The following NECAB1 variants were observed in gnomAD, a reference collection of about 807,000 sequenced individuals.
NECAB1 encodes the protein N-terminal EF-hand calcium-binding protein 1.
Under a neutral mutation model 57.5 loss-of-function variants are expected in NECAB1, and 29 were observed. The observed-to-expected ratio is 0.50, with a 90% CI of 0.38 to 0.69. NECAB1 has a LOEUF of 0.69. Among genes scored for constraint, NECAB1 ranks in the 30% least tolerant of loss-of-function variants. The probability of loss-of-function intolerance (pLI) is 0.00; values close to 1 mark genes in which losing one functional copy is unlikely to be tolerated. For missense variants in NECAB1, 372 were observed against 413.8 expected, an observed-to-expected ratio of 0.90 and a Z score of 0.88; for synonymous variants, 142 against 147.7, an observed-to-expected ratio of 0.96 and a Z score of 0.28.
intron 3 of NECAB1, among the ~76,000 whole-genome samples, chr8:90,866,780 T>C (rs373338806): frequency 3.3e-5 from 5 of 152,190 alleles, no homozygotes; most frequent in African/African-American, 1.2e-4. Flanking sequence ...TTTGGAGAAA[T>C]AGGAACACTT....
intron 3 of NECAB1, among the ~76,000 whole-genome samples, chr8:90,844,742 C>A (rs888877938): frequency 6.6e-6 from 1 of 152,036 alleles, no homozygotes; most frequent in African/African-American, 2.4e-5. Context: ...GAATCTTTAT[C>A]CAGTTGGGAG....
At chr8:90,925,222 T>C (rs1810231232) in intron 6 of NECAB1, among the ~76,000 whole-genome samples, 1 of 152,048 alleles carries the variant, frequency 6.6e-6, no homozygotes, top group African/African-American at 2.4e-5. Context: ...TGTTTTCAAA[T>C]TAAACAAAAT....
chr8:90,799,469 T>A (rs1811725051), intron 1 of NECAB1, among the ~76,000 whole-genome samples: 1 of 152,220 alleles, frequency 6.6e-6, no homozygotes, highest in Non-Finnish European at 1.5e-5. Context: ...TAATCCATCT[T>A]GAGTTAATTT....
chr8:90,830,713 A>G (rs1260080651), intron 3 of NECAB1, among the ~76,000 whole-genome samples: 1 of 152,158 alleles, frequency 6.6e-6, no homozygotes, highest in Non-Finnish European at 1.5e-5. Context: ...CTTTCTTGGC[A>G]TAAGCAGATA....
intron 5 of NECAB1, among the ~76,000 whole-genome samples, chr8:90,898,836 C>A (rs1232084126): frequency 6.6e-6 from 1 of 152,208 alleles, no homozygotes; most frequent in Non-Finnish European, 1.5e-5. Flanking sequence ...GCTCTCTCTT[C>A]ACCTTCCTAA....
At chr8:90,941,415 T>C (rs1451098458) in intron 10 of NECAB1, among the ~76,000 whole-genome samples, 2 of 152,230 alleles carry the variant, frequency 1.3e-5, no homozygotes, top group African/African-American at 4.8e-5. Context: ...GATCTTTTCT[T>C]TCCTCTTTCC....
intron 4 of NECAB1, among the ~76,000 whole-genome samples, chr8:90,874,659 TA>T (rs1200577941): frequency 3.9e-5 from 6 of 152,248 alleles, no homozygotes; most frequent in African/African-American, 1.4e-4. Flanking sequence ...TCATTTTATT[TA>T]AAGGCTGCAT....
chr8:90,949,713 A>T, intron 10 of NECAB1, 94 bp from the exon 11 acceptor site: 1 of 566,418 alleles, frequency 1.8e-6, no homozygotes, highest in African/African-American at 1.9e-5. Context: ...CTATTAATGG[A>T]TAAGATTGTT....
intron 3 of NECAB1, among the ~76,000 whole-genome samples, chr8:90,861,068 C>G (rs1467558469): frequency 3.3e-5 from 5 of 152,152 alleles, no homozygotes; most frequent in African/African-American, 1.2e-4. Context: ...TTGCAGATTG[C>G]TTTATTTTCT....
chr8:90,822,086 AC>A (rs995846993), intron 2 of NECAB1, among the ~76,000 whole-genome samples: 3 of 151,792 alleles, frequency 2.0e-5, no homozygotes, highest in Non-Finnish European at 4.4e-5. Context: ...AAAAACCTGT[AC>A]CCTTTGGTGG....
At chr8:90,919,343 G>A (rs147627269) in intron 6 of NECAB1, among the ~76,000 whole-genome samples, 19 of 152,266 alleles carry the variant, frequency 1.2e-4, no homozygotes, top group African/African-American at 3.4e-4. Flanking sequence ...TAAGTTTTCT[G>A]AACAGGCTGA....
chr8:90,844,492 G>A (rs1414820621), intron 3 of NECAB1, among the ~76,000 whole-genome samples: 1 of 152,118 alleles, frequency 6.6e-6, no homozygotes, highest in East Asian at 1.9e-4. Context: ...TCCCCACCAG[G>A]CTGATGGAAG....
intron 1 of NECAB1, among the ~76,000 whole-genome samples, chr8:90,799,408 C>T (rs757106792): frequency 6.5e-4 from 99 of 152,018 alleles, no homozygotes; most frequent in Non-Finnish European, 1.0e-3. Context: ...ATGATATTTT[C>T]TAGGTTTTCT....
intron 5 of NECAB1, among the ~76,000 whole-genome samples, chr8:90,902,395 C>G (rs1586105732): frequency 6.6e-6 from 1 of 152,266 alleles, no homozygotes; most frequent in East Asian, 1.9e-4. Context: ...GCACTCCAGC[C>G]TGGGAGACAG....
intron 2 of NECAB1, among the ~76,000 whole-genome samples, chr8:90,803,577 G>A (rs146679036): frequency 4.2e-4 from 64 of 152,160 alleles, no homozygotes; most frequent in African/African-American, 1.5e-3. Context: ...CTCAAATATC[G>A]TGCTGCATGA....
intron 9 of NECAB1, 22 bp from the exon 10 acceptor site, chr8:90,940,764 A>G (rs750017493): frequency 6.5e-7 from 1 of 1,540,412 alleles, no homozygotes. Context: ...CAACGCAGTG[A>G]CCCTCGCCCC....
At chr8:90,829,529 T>G (rs1252131577) in intron 3 of NECAB1, among the ~76,000 whole-genome samples, 1 of 152,084 alleles carries the variant, frequency 6.6e-6, no homozygotes, top group Non-Finnish European at 1.5e-5. Context: ...GACGTTTCAC[T>G]TCTGTGTCAG....
rs1463101186 is a variant in NECAB1 at position 90,958,734 on chromosome 8, G to A, written c.*3222G>A. The A allele has an allele frequency of 6.2e-6, 2 of 325,074 alleles. No homozygotes were observed. The highest frequency in any genetic ancestry group is 1.1e-5 in the Non-Finnish European group (2 of 179,062). 20.1% of individuals were successfully genotyped at this position (325,074 alleles called of 1,614,324 possible). A position where few individuals can be genotyped will look rare whatever the true frequency, so the allele number is the denominator to read the frequency against. ...AAAAACAAAAAATTGCAAGTAGTAT[G>A]CAAATTATAAATATACAGTCTTCCC... is the stretch of plus-strand genomic sequence containing the variant. On this transcript the variant is annotated 3_prime_UTR_variant, in exon 13 of 13. Coordinates refer to ENST00000417640, the MANE Select transcript of NECAB1 (RefSeq NM_022351.5).
At chr8:90,904,439 G>T (rs560934423) in intron 5 of NECAB1, among the ~76,000 whole-genome samples, 17 of 151,938 alleles carry the variant, frequency 1.1e-4, no homozygotes, top group African/African-American at 2.7e-4. Context: ...AGCACAAAAA[G>T]ATTTGCTAAA....
Sources: gnomAD v4.1 joint callset for allele counts (sites outside exome capture counted in the v4.1 genomes callset) on GRCh38, gnomAD v4.1.1 for gene constraint, MANE v1.5 for transcripts, NCBI Gene and HGNC (gene_info 2026-07-23, HGNC 2026-07-21) for gene names.